The following SEMA3A variants were observed in gnomAD, a reference collection of about 807,000 sequenced individuals.
The protein encoded by SEMA3A is semaphorin-3A.
A neutral mutation model predicts 97.9 loss-of-function variants in SEMA3A; 29 were observed. The observed-to-expected ratio is 0.30, with a 90% CI of 0.22 to 0.40. SEMA3A has a LOEUF of 0.40. Ranked by LOEUF, SEMA3A falls within the 10% of genes least tolerant of loss-of-function variation. The pLI, the probability that SEMA3A is intolerant of heterozygous loss-of-function variation, is 1.00. For synonymous variants in SEMA3A, 321 were observed against 323.7 expected (o/e 0.99, Z 0.09); for missense variants, 763 against 951.3 (o/e 0.80, Z 2.60).
chr7:84,063,121 A>C (rs62473952), intron 4 of SEMA3A, among the ~76,000 whole-genome samples: 1 of 150,680 alleles, frequency 6.6e-6, no homozygotes. Context: ...CCTGACCCCT[A>C]AGCAACCTAA....
chr7:83,980,408 C>T (rs1464769111), intron 14 of SEMA3A, among the ~76,000 whole-genome samples: 2 of 151,272 alleles, frequency 1.3e-5, no homozygotes, highest in African/African-American at 2.4e-5. Flanking sequence ...AGATCGAGAC[C>T]ATCCTGGCCA....
intron 1 of SEMA3A, among the ~76,000 whole-genome samples, chr7:84,401,747 A>C (rs1043486267): frequency 6.6e-6 from 1 of 152,182 alleles, no homozygotes; most frequent in African/African-American, 2.4e-5. Context: ...CACCAAGAAC[A>C]TATGTTGGAT....
intron 3 of SEMA3A, among the ~76,000 whole-genome samples, chr7:84,271,025 A>G (rs1226830664): frequency 6.6e-6 from 1 of 152,042 alleles, no homozygotes; most frequent in African/African-American, 2.4e-5. Flanking sequence ...TCCGGAATCA[A>G]TTTGCTATTA....
At chr7:84,251,017 A>T (rs1199784972) in intron 3 of SEMA3A, among the ~76,000 whole-genome samples, 1 of 152,174 alleles carries the variant, frequency 6.6e-6, no homozygotes, top group Non-Finnish European at 1.5e-5. Context: ...TAGCGATGAA[A>T]TTCACAGAGC....
At chr7:84,049,875 C>A (rs1230833041) in intron 5 of SEMA3A, among the ~76,000 whole-genome samples, 1 of 122,336 alleles carries the variant, frequency 8.2e-6, no homozygotes, top group East Asian at 2.8e-4. Flanking sequence ...TCCCCCCACC[C>A]CACCACAGTC....
At chr7:84,245,511 T>C (rs1040377133) in intron 3 of SEMA3A, among the ~76,000 whole-genome samples, 2 of 151,902 alleles carry the variant, frequency 1.3e-5, no homozygotes, top group South Asian at 2.1e-4. Context: ...TCAAGTTTCT[T>C]AGCTTCCTTG....
intron 1 of SEMA3A, among the ~76,000 whole-genome samples, chr7:84,394,043 T>C (rs750834216): frequency 5.9e-5 from 9 of 152,142 alleles, no homozygotes; most frequent in Non-Finnish European, 1.0e-4. Flanking sequence ...AGAAAAGAGC[T>C]GGCTGGTGTC....
rs193166796 is a variant in SEMA3A at position 84,301,428 on chromosome 7, T to C, written c.-83+5779A>G. On this transcript the variant is annotated intron_variant, in intron 3 of 3. Coordinates refer to the SEMA3A transcript ENST00000424555. ...AGCCAATGAAAAAGATAAGTAAAAGTTTTGAATAGGTACTTAAGGAAAGAA... is the reference window on the plus strand; with the variant it reads ...AGCCAATGAAAAAGATAAGTAAAAGCTTTGAATAGGTACTTAAGGAAAGAA... Among the ~76,000 whole-genome samples, 570 of 152,110 alleles carry C rather than the reference T, an allele frequency of 3.7e-3. 5 individuals are homozygous for C. Among genetic ancestry groups the C allele is most frequent in the African/African-American group, 0.013 (542 of 41,526 alleles).
chr7:84,378,052 T>C (rs950670824), intron 1 of SEMA3A, among the ~76,000 whole-genome samples: 6 of 151,930 alleles, frequency 3.9e-5, no homozygotes, highest in Admixed American at 1.3e-4. Flanking sequence ...CAGAAGAGGG[T>C]TCCTCTCTTT....
chr7:84,165,544 T>C (rs1022491029), intron 1 of SEMA3A, among the ~76,000 whole-genome samples: 1 of 151,932 alleles, frequency 6.6e-6, no homozygotes, highest in Non-Finnish European at 1.5e-5. Context: ...GCATAGCTGG[T>C]TATATATACC....
intron 15 of SEMA3A, among the ~76,000 whole-genome samples, chr7:83,966,794 C>A (rs1788712562): frequency 6.6e-6 from 1 of 151,854 alleles, no homozygotes; most frequent in South Asian, 2.1e-4. Context: ...TCACGGCAAC[C>A]TCCGCCTCCC....
At chr7:84,029,354 G>T (rs565176800) in intron 6 of SEMA3A, among the ~76,000 whole-genome samples, 1 of 152,214 alleles carries the variant, frequency 6.6e-6, no homozygotes, top group Non-Finnish European at 1.5e-5. Flanking sequence ...TGCAGATTGT[G>T]AAAGTTGCAT....
At chr7:84,176,528 G>A (rs986464485) in intron 1 of SEMA3A, among the ~76,000 whole-genome samples, 11 of 152,140 alleles carry the variant, frequency 7.2e-5, no homozygotes, top group African/African-American at 2.4e-4. Context: ...CCAGATTAAT[G>A]CCTATGAGTC....
At chr7:83,998,976 C>T (rs1019230511) in intron 12 of SEMA3A, among the ~76,000 whole-genome samples, 1 of 152,044 alleles carries the variant, frequency 6.6e-6, no homozygotes, top group African/African-American at 2.4e-5. Flanking sequence ...ACATTATCTC[C>T]TATGATAACA....
chr7:84,232,442 C>G lies in SEMA3A; in HGVS notation c.-82-37774G>C, dbSNP rs62477028. Among the ~76,000 whole-genome samples the G allele has an allele frequency of 2.8e-3, 430 of 150,980 alleles. 4 individuals are homozygous for G. Among genetic ancestry groups the G allele is most frequent in the African/African-American group, 0.01 (417 of 41,266 alleles). On this transcript the variant is annotated intron_variant, in intron 3 of 3. Coordinates refer to the SEMA3A transcript ENST00000424555. ...GTTTAATCTCTCTCTCTCTCTCTCTCCCTCTCTCTCTGTCACACACACACA... is the reference window on the plus strand; with the variant it reads ...GTTTAATCTCTCTCTCTCTCTCTCTGCCTCTCTCTCTGTCACACACACACA...
intron 3 of SEMA3A, among the ~76,000 whole-genome samples, chr7:84,248,040 T>C (rs1799515899): frequency 6.6e-6 from 1 of 152,218 alleles, no homozygotes; most frequent in Admixed American, 6.5e-5. Context: ...AAAGAAGTCA[T>C]TCCCTTGTCA....
At chr7:84,182,011 G>A (rs1418669668) in intron 1 of SEMA3A, among the ~76,000 whole-genome samples, 2 of 152,030 alleles carry the variant, frequency 1.3e-5, no homozygotes, top group African/African-American at 4.8e-5. Flanking sequence ...CTTTTCTAAT[G>A]ACGTCTAGAT....
chr7:84,163,950 A>T (rs916303460), intron 1 of SEMA3A, among the ~76,000 whole-genome samples: 2 of 150,478 alleles, frequency 1.3e-5, no homozygotes, highest in Non-Finnish European at 2.9e-5. Flanking sequence ...GGTTCAAGTG[A>T]TTCTCCTGCC....
At chr7:84,362,451 T>C (rs1485608494) in intron 2 of SEMA3A, among the ~76,000 whole-genome samples, 1 of 152,024 alleles carries the variant, frequency 6.6e-6, no homozygotes, top group African/African-American at 2.4e-5. Context: ...TTTTGGAAAC[T>C]TGTTCTAAAA....
Sources: allele counts gnomAD v4.1 joint callset (sites outside exome capture counted in the v4.1 genomes callset), GRCh38; gene constraint gnomAD v4.1.1; transcripts MANE v1.5; gene names NCBI Gene and HGNC (gene_info 2026-07-23, HGNC 2026-07-21).